The following CTNND2 variants were observed in gnomAD, a reference collection of about 807,000 sequenced individuals.
The protein encoded by CTNND2 is catenin delta-2.
In CTNND2, 22 loss-of-function variants were observed where a neutral mutation model predicts 144.4. That is an observed-to-expected ratio of 0.15 (90% CI 0.11 to 0.22). CTNND2 has a LOEUF of 0.22. CTNND2 is among the 10% of genes least tolerant of loss of function. The pLI, the probability that CTNND2 is intolerant of heterozygous loss-of-function variation, is 1.00. For missense variants in CTNND2, 1,353 were observed against 1,618.8 expected (o/e 0.84, Z 2.82); for synonymous variants, 751 against 695.6 (o/e 1.08, Z -1.25).
At chr5:11,240,457 C>T (rs577266933) in intron 9 of CTNND2, among the ~76,000 whole-genome samples, 7 of 127,694 alleles carry the variant, frequency 5.5e-5, no homozygotes, top group Admixed American at 3.2e-4. Context: ...ACACACACCC[C>T]CCAACACACA....
chr5:11,726,151 T>C (rs987433985), intron 2 of CTNND2, among the ~76,000 whole-genome samples: 1 of 152,154 alleles, frequency 6.6e-6, no homozygotes, highest in Non-Finnish European at 1.5e-5. Context: ...CAATGATTAA[T>C]GTACAAGGAA....
intron 9 of CTNND2, among the ~76,000 whole-genome samples, chr5:11,321,592 G>A (rs932334449): frequency 6.6e-6 from 1 of 152,168 alleles, no homozygotes; most frequent in South Asian, 2.1e-4. Flanking sequence ...ATGTGAAGTA[G>A]GGATTGTGAG....
intron 2 of CTNND2, among the ~76,000 whole-genome samples, chr5:11,674,756 T>C (rs1335361910): frequency 6.8e-6 from 1 of 146,670 alleles, no homozygotes; most frequent in Non-Finnish European, 1.5e-5. Context: ...AGACAGAGTC[T>C]TCCTCTGTCG....
chr5:11,153,709 C>T (rs778719705), intron 12 of CTNND2, among the ~76,000 whole-genome samples: 1 of 151,940 alleles, frequency 6.6e-6, no homozygotes, highest in Non-Finnish European at 1.5e-5. Context: ...TTCTTATGTA[C>T]ACAAAGATAG....
chr5:11,164,472 T>C (rs549334646), intron 11 of CTNND2, among the ~76,000 whole-genome samples: 3 of 152,200 alleles, frequency 2.0e-5, no homozygotes, highest in Non-Finnish European at 4.4e-5. Context: ...CATTCCATAA[T>C]ATTAAGGACC....
At chr5:11,626,901 G>A (rs76003244) in intron 2 of CTNND2, among the ~76,000 whole-genome samples, 5,615 of 152,164 alleles carry the variant, frequency 0.037, 180 homozygotes, top group Non-Finnish European at 0.048. Flanking sequence ...GTGCCAAATT[G>A]TTCTTATTTC....
intron 2 of CTNND2, among the ~76,000 whole-genome samples, chr5:11,671,863 G>A (rs1197920070): frequency 6.6e-6 from 1 of 151,936 alleles, no homozygotes; most frequent in African/African-American, 2.4e-5. Context: ...GAGGTGTTCT[G>A]GTTTTTGGAA....
chr5:11,448,410 C>T, intron 3 of CTNND2, among the ~76,000 whole-genome samples: 1 of 151,962 alleles, frequency 6.6e-6, no homozygotes, highest in East Asian at 1.9e-4. Context: ...TCCTTACCCA[C>T]AAGCCAAGAA....
At chr5:11,616,549 TTCTC>T (rs1460510852) in intron 2 of CTNND2, among the ~76,000 whole-genome samples, 1 of 151,626 alleles carries the variant, frequency 6.6e-6, no homozygotes, top group Non-Finnish European at 1.5e-5. Context: ...CTTGCTTCCT[TTCTC>T]CCTCCCTCCC....
At chr5:11,297,011 A>G (rs1290764399) in intron 9 of CTNND2, among the ~76,000 whole-genome samples, 1 of 152,236 alleles carries the variant, frequency 6.6e-6, no homozygotes, top group Non-Finnish European at 1.5e-5. Context: ...TCAGTACTTA[A>G]AGACTTTCTG....
intron 9 of CTNND2, among the ~76,000 whole-genome samples, chr5:11,280,492 A>T (rs1747001814): frequency 6.6e-6 from 1 of 152,204 alleles, no homozygotes; most frequent in Non-Finnish European, 1.5e-5. Context: ...CTGTGCCCTC[A>T]CATGATGGAG....
intron 1 of CTNND2, among the ~76,000 whole-genome samples, chr5:11,768,477 G>C (rs1031712617): frequency 9.2e-5 from 14 of 152,130 alleles, no homozygotes; most frequent in Non-Finnish European, 8.8e-5. Flanking sequence ...TTTCAGTAGA[G>C]ACGGGTTTTC....
chr5:11,510,078 A>G (rs1186242456), intron 3 of CTNND2, among the ~76,000 whole-genome samples: 7 of 152,144 alleles, frequency 4.6e-5, no homozygotes, highest in Non-Finnish European at 4.4e-5. Flanking sequence ...CTACAGACAC[A>G]TGCCAGCACA....
chr5:11,538,464 A>G (rs1424933967), intron 3 of CTNND2, among the ~76,000 whole-genome samples: 1 of 152,208 alleles, frequency 6.6e-6, no homozygotes, highest in African/African-American at 2.4e-5. Flanking sequence ...TTAGCATATC[A>G]AAGCAAAGAA....
intron 9 of CTNND2, among the ~76,000 whole-genome samples, chr5:11,291,532 A>G (rs1354893168): frequency 1.3e-5 from 2 of 152,030 alleles, no homozygotes; most frequent in Non-Finnish European, 2.9e-5. Flanking sequence ...ACACTTGCAC[A>G]TGACACTCTC....
chr5:11,506,865 C>T (rs1771098696), intron 3 of CTNND2, among the ~76,000 whole-genome samples: 1 of 152,146 alleles, frequency 6.6e-6, no homozygotes. Flanking sequence ...TACTTAAACT[C>T]AAACAGTATC....
At chr5:11,131,847 T>C (rs1276575944) in intron 12 of CTNND2, among the ~76,000 whole-genome samples, 2 of 152,164 alleles carry the variant, frequency 1.3e-5, no homozygotes, top group Non-Finnish European at 2.9e-5. Context: ...ATTCCACATA[T>C]GCAGTCATGT....
In CTNND2 at chr5:11,407,150, T is replaced by C. The variant is rs200014400; in HGVS notation, c.439+4386A>G. The stretch of plus-strand genomic sequence containing the variant: ...AAAGAAAGTACTTGGTCCTAGGCAG[T>C]TCAAGTCACATTATTCATTATGTAG... On this transcript the variant is annotated intron_variant, in intron 5 of 21. Transcript: ENST00000304623. 2.0e-5 allele frequency among the ~76,000 whole-genome samples: 3 copies of C among 152,190 alleles called. No individual in the cohort carries two copies. The East Asian group carries it at 5.8e-4, about 29-fold the overall frequency.
intron 9 of CTNND2, among the ~76,000 whole-genome samples, chr5:11,268,001 C>T (rs546236510): frequency 8.5e-5 from 13 of 152,220 alleles, no homozygotes; most frequent in Non-Finnish European, 5.9e-5. Flanking sequence ...ATGATTGTTG[C>T]GAAGTCCCAA....
Sources: gnomAD v4.1 joint callset for allele counts (sites outside exome capture counted in the v4.1 genomes callset) on GRCh38, gnomAD v4.1.1 for gene constraint, MANE v1.5 for transcripts, NCBI Gene and HGNC (gene_info 2026-07-23, HGNC 2026-07-21) for gene names.